LCA5: variants seen among roughly 807,000 people sequenced by gnomAD.
LCA5 encodes the protein lebercilin LCA5, also known as lebercilin.
Under a neutral mutation model 53.0 loss-of-function variants are expected in LCA5, and 37 were observed. The ratio of observed to expected loss-of-function variants is 0.70; its 90% CI spans 0.54 to 0.92. The LOEUF (loss-of-function observed/expected upper bound fraction) is 0.92. LCA5 is among the 40% of genes least tolerant of loss of function. The pLI, the probability that LCA5 is intolerant of heterozygous loss-of-function variation, is 0.00. For synonymous variants in LCA5, 303 were observed against 282.9 expected (o/e 1.07, Z -0.71); for missense variants, 806 against 790.5 (o/e 1.02, Z -0.23).
intron 3 of LCA5, among the ~76,000 whole-genome samples, chr6:79,500,118 C>T (rs1309667743): frequency 6.6e-6 from 1 of 151,864 alleles, no homozygotes. Flanking sequence ...TGGGTTGGTT[C>T]CAAGTCTTTG....
At chr6:79,527,954 A>T (rs1386365649) in intron 1 of LCA5, among the ~76,000 whole-genome samples, 1 of 152,204 alleles carries the variant, frequency 6.6e-6, no homozygotes, top group South Asian at 2.1e-4. Flanking sequence ...AATTGAGGTA[A>T]AGAATTTAAG....
At chr6:79,495,664 T>G (rs1769963211) in intron 3 of LCA5, among the ~76,000 whole-genome samples, 1 of 147,806 alleles carries the variant, frequency 6.8e-6, no homozygotes, top group African/African-American at 2.5e-5. Context: ...GGCAGAAGAA[T>G]CACTTAAACC....
chr6:79,505,885 G>C (rs1770260159), intron 3 of LCA5, among the ~76,000 whole-genome samples: 1 of 152,068 alleles, frequency 6.6e-6, no homozygotes, highest in African/African-American at 2.4e-5. Context: ...ACTAAGAAGA[G>C]TAAAGGGAAG....
intron 6 of LCA5, among the ~76,000 whole-genome samples, chr6:79,489,844 C>G (rs1769788717): frequency 6.6e-6 from 1 of 152,028 alleles, no homozygotes; most frequent in Admixed American, 6.6e-5. Flanking sequence ...TTTAGCAGGA[C>G]AGAGAGCTGC....
intron 1 of LCA5, among the ~76,000 whole-genome samples, chr6:79,532,967 A>G (rs538637581): frequency 1.3e-5 from 2 of 152,182 alleles, no homozygotes; most frequent in Admixed American, 1.3e-4. Context: ...GAAAATATTA[A>G]ATCTTCCCTC....
At chr6:79,534,934 T>C (rs947935363) in intron 1 of LCA5, among the ~76,000 whole-genome samples, 4 of 152,190 alleles carry the variant, frequency 2.6e-5, no homozygotes, top group African/African-American at 7.2e-5. Context: ...CTATTCAGAA[T>C]TGGCATATGC....
intron 2 of LCA5, among the ~76,000 whole-genome samples, chr6:79,517,393 T>G (rs1252693784): frequency 6.6e-6 from 1 of 152,034 alleles, no homozygotes; most frequent in Non-Finnish European, 1.5e-5. Flanking sequence ...ATTAAAGTAT[T>G]CCTTACCAAT....
rs78476769 is a variant in LCA5 at position 79,517,156 on chromosome 6, A to T, written c.190+1549T>A. Among the ~76,000 whole-genome samples the T allele has an allele frequency of 2.4e-3, 361 of 152,178 alleles. 2 individuals are homozygous for T. Among genetic ancestry groups the T allele is most frequent in the African/African-American group, 8.4e-3 (348 of 41,560 alleles). On this transcript the variant is annotated intron_variant, in intron 2 of 7. Transcript: ENST00000369846. ...AGAAACGTATCAGTTTGGTCTTGTTACTTGGTCTAAGGCAGACTAATTACC... is the reference window on the plus strand; with the variant it reads ...AGAAACGTATCAGTTTGGTCTTGTTTCTTGGTCTAAGGCAGACTAATTACC...
At chr6:79,491,140 C>T (rs1415062505) in intron 6 of LCA5, among the ~76,000 whole-genome samples, 1 of 152,032 alleles carries the variant, frequency 6.6e-6, no homozygotes, top group Non-Finnish European at 1.5e-5. Flanking sequence ...TGAGGGTTTT[C>T]CAAGACTATG....
At chr6:79,531,912 T>C (rs1766971290) in intron 1 of LCA5, among the ~76,000 whole-genome samples, 1 of 152,192 alleles carries the variant, frequency 6.6e-6, no homozygotes, top group South Asian at 2.1e-4. Context: ...CCTTAGGTGA[T>C]TTCATCTAGA....
chr6:79,496,158 T>C (rs1221393076), intron 3 of LCA5, among the ~76,000 whole-genome samples: 1 of 152,204 alleles, frequency 6.6e-6, no homozygotes, highest in Non-Finnish European at 1.5e-5. Context: ...TATCAGAATG[T>C]CTTAAACTGG....
At chr6:79,499,090 A>T (rs1024864329) in intron 3 of LCA5, among the ~76,000 whole-genome samples, 2 of 152,162 alleles carry the variant, frequency 1.3e-5, no homozygotes, top group African/African-American at 2.4e-5. Flanking sequence ...ATTCAAAACA[A>T]TCCATGATTT....
In LCA5 at chr6:79,487,046, A is replaced by C; in HGVS notation, c.2052T>G (p.Ala684=). ...CTTCAATTTCATCTTCTACAGAATC[A>C]GCTGCTTTTACTGCTGGTTTATCGT... ...HADDKPAVKA[A]DSVEDEIEEV... The change falls in exon 8 of 8, where the codon GCT becomes GCG. Residue 684 remains alanine, a synonymous_variant. Transcript: ENST00000369846. 1 of 1,613,794 alleles carries C rather than the reference A, an allele frequency of 6.2e-7. No individual in the cohort carries two copies. Among genetic ancestry groups the C allele is most frequent in the Non-Finnish European group, 8.5e-7 (1 of 1,179,842 alleles).
Position 79,487,017 on chromosome 6 carries a change from AC to A in LCA5, c.2080del (p.Val694Ter). On this transcript the variant is annotated frameshift_variant, in exon 8 of 8. Transcript: ENST00000369846. LOFTEE classifies it high-confidence loss of function. ...ADSVEDEIEEVALR is the reference protein window; with the variant it reads ...ADSVEDEIEEXALR ...TACTCTAGTCAGTCATCTCAGTGCT[AC>A]TTCTTCAATTTCATCTTCTACAGAA... 1 of 1,613,060 alleles carries A rather than the reference AC, an allele frequency of 6.2e-7. No homozygotes were observed. The highest frequency in any genetic ancestry group is 1.1e-5 in the South Asian group (1 of 91,046).
chr6:79,494,492 T>C (rs1769927506), intron 3 of LCA5, among the ~76,000 whole-genome samples: 1 of 148,218 alleles, frequency 6.7e-6, no homozygotes, highest in Non-Finnish European at 1.5e-5. Flanking sequence ...AAGCATCTTA[T>C]AGATAGATAG....
rs111771688 is a variant in LCA5, at chr6:79,503,786, CTG to C, written c.720+9424_720+9425del. ...AATGGTGTATAACCAGAATTTGAAACTGTGTGTGTGTGCGCGCGTGCGCGTGC... is the reference window on the plus strand; with the variant it reads ...AATGGTGTATAACCAGAATTTGAAACTGTGTGTGTGCGCGCGTGCGCGTGC... On this transcript the variant is annotated intron_variant, in intron 3 of 7. Transcript: ENST00000369846. Among the ~76,000 whole-genome samples, 10 of 152,196 alleles carry C rather than the reference CTG, an allele frequency of 6.6e-5. No individual in the cohort carries two copies. The South Asian group carries it at 1.4e-3, about 22-fold the overall frequency.
intron 1 of LCA5, among the ~76,000 whole-genome samples, chr6:79,527,414 T>C (rs1766823878): frequency 6.6e-6 from 1 of 152,318 alleles, no homozygotes; most frequent in African/African-American, 2.4e-5. Context: ...ATCAAGTTGG[T>C]AATCAACGTA....
At chr6:79,491,390 T>C (rs1384124066) in intron 6 of LCA5, among the ~76,000 whole-genome samples, 198 bp downstream of exon 6, 2 of 152,158 alleles carry the variant, frequency 1.3e-5, no homozygotes, top group Non-Finnish European at 2.9e-5. Flanking sequence ...TAACTCGTCA[T>C]TTAGCATTAG....
chr6:79,529,871 C>T (rs1394308834), intron 1 of LCA5, among the ~76,000 whole-genome samples: 1 of 149,944 alleles, frequency 6.7e-6, no homozygotes, highest in Non-Finnish European at 1.5e-5. Context: ...AAACCAAACA[C>T]CGCATGTTCT....
Sources: gnomAD v4.1 joint callset for allele counts (sites outside exome capture counted in the v4.1 genomes callset) on GRCh38, gnomAD v4.1.1 for gene constraint, MANE v1.5 for transcripts, NCBI Gene and HGNC (gene_info 2026-07-23, HGNC 2026-07-21) for gene names.